P3H1: variants seen among roughly 807,000 people sequenced by gnomAD.
The protein encoded by P3H1 is prolyl 3-hydroxylase 1.
A neutral mutation model predicts 84.0 loss-of-function variants in P3H1; 69 were observed. The ratio of observed to expected loss-of-function variants is 0.82; its 90% CI spans 0.68 to 1.00. The LOEUF (loss-of-function observed/expected upper bound fraction) is 1.00, where lower values mean the gene tolerates loss of function less well. Among genes scored for constraint, P3H1 ranks in the 50% least tolerant of loss-of-function variants. The pLI is 0.00. For synonymous variants in P3H1, 366 were observed against 388.8 expected, an observed-to-expected ratio of 0.94 and a Z score of 0.69; for missense variants, 878 against 962.8, an observed-to-expected ratio of 0.91 and a Z score of 1.17.
intron 1 of P3H1, among the ~76,000 whole-genome samples, chr1:42,764,288 G>C (rs1224040041): frequency 6.6e-6 from 1 of 151,972 alleles, no homozygotes. Flanking sequence ...CGGATGTGAT[G>C]GCACGTGCCT....
Position 42,766,732 on chromosome 1 carries a change from G to A in P3H1, c.240C>T (p.Ala80=), listed in dbSNP as rs2124175348. The A allele has an allele frequency of 1.3e-6, 2 of 1,570,598 alleles. No individual in the cohort carries two copies. The highest frequency in any genetic ancestry group is 1.2e-5 in the South Asian group (1 of 86,896). The stretch of plus-strand genomic sequence containing the variant: ...GGTCCAGCTCCCACGGGAAGTCGGC[G>A]GCACACTGGGTGCGGCAGCGCAGGC... ...ALRLRCRTQC[A]ADFPWELDPD... The change falls in exon 1 of 15, where the codon GCC becomes GCT. Residue 80 remains alanine (A), a synonymous_variant. Coordinates refer to ENST00000296388, the MANE Select transcript of P3H1 (RefSeq NM_022356.4).
At chr1:42,752,441 G>A in intron 9 of P3H1, 72 bp from the exon 10 acceptor site, 28 of 1,609,108 alleles carry the variant, frequency 1.7e-5, no homozygotes, top group Non-Finnish European at 2.3e-5. Flanking sequence ...GTCAACTGTG[G>A]CCAGGAAGAG....
In P3H1 at chr1:42,746,756, G is replaced by A. The variant is rs533729683; in HGVS notation, c.2152C>T (p.Pro718Ser). ...GAGAGAGACTCTTGTGCAGGTTCGG[G>A]GGGGCCCTGCTGGGCATCCAGGGGC... Reference protein sequence around the residue: ...EQPLDAQQGPPEPAQESLSGS... With the variant: ...EQPLDAQQGPSEPAQESLSGS... The change falls in exon 15 of 15, where the codon CCC (proline) becomes TCC (serine). Residue 718 changes from proline to serine, a missense_variant. Coordinates refer to ENST00000296388, the MANE Select transcript of P3H1 (RefSeq NM_022356.4). 1.6e-5 allele frequency: 25 copies of A among 1,555,402 alleles called. No homozygotes were observed. Among genetic ancestry groups the A allele is most frequent in the Non-Finnish European group, 2.0e-5 (23 of 1,149,134 alleles).
chr1:42,759,845 G>C (rs1051644371), intron 2 of P3H1: 1 of 214,236 alleles, frequency 4.7e-6, no homozygotes, highest in Non-Finnish European at 9.6e-6. Context: ...GCCTCCTAAA[G>C]TGCTGGGATT....
At chr1:42,762,094 T>C (rs1224233945) in intron 2 of P3H1, 3 of 513,544 alleles carry the variant, frequency 5.8e-6, no homozygotes, top group Admixed American at 6.5e-5. Flanking sequence ...TGTAATGTAA[T>C]TAGAAAACAA....
intron 8 of P3H1, 102 bp from the exon 9 acceptor site, chr1:42,752,766 T>G: frequency 3.8e-5 from 53 of 1,397,938 alleles, no homozygotes; most frequent in Non-Finnish European, 4.6e-5. Flanking sequence ...TTCCAGCTGT[T>G]TCCTTTTCAC....
intron 1 of P3H1, among the ~76,000 whole-genome samples, chr1:42,763,168 G>C (rs1652808025): frequency 6.6e-6 from 1 of 151,960 alleles, no homozygotes; most frequent in South Asian, 2.1e-4. Flanking sequence ...AAGGATTTAG[G>C]GGTAGAGAAA....
At chr1:42,748,353 C>G (rs756218702) in intron 11 of P3H1, 36 bp from the exon 12 acceptor site, 1 of 1,471,732 alleles carries the variant, frequency 6.8e-7, no homozygotes, top group Non-Finnish European at 9.5e-7. Flanking sequence ...CAAGGGAGCA[C>G]CTCGGGAGAC....
intron 14 of P3H1, 197 bp from the exon 15 acceptor site, chr1:42,747,049 C>T: frequency 1.2e-6 from 2 of 1,614,202 alleles, no homozygotes; most frequent in South Asian, 1.1e-5. Flanking sequence ...GCATCGCTCC[C>T]TGTCTTGACC....
rs763642310 is a variant in P3H1 at position 42,766,545 on chromosome 1, G to A, written c.427C>T (p.Arg143Trp). The change falls in exon 1 of 15, where the codon CGG becomes TGG. Residue 143 changes from arginine (R) to tryptophan (W), a missense_variant. Transcript: ENST00000296388. ...SEEMELEFRK[R>W]SPYNYLQVAY... ...ACCTGCAGGTAGTTGTAGGGGCTCC[G>A]CTTGCGGAACTCCAGCTCCATCTCT... 2.5e-6 allele frequency: 4 copies of A among 1,612,122 alleles called. No individual in the cohort carries two copies. Among genetic ancestry groups the A allele is most frequent in the Admixed American group, 3.3e-5 (2 of 59,938 alleles).
chr1:42,766,932 C>G lies in P3H1; in HGVS notation c.40G>C (p.Ala14Pro), dbSNP rs1377204672. The G allele has an allele frequency of 1.2e-6, 2 of 1,609,518 alleles. No homozygotes were observed. The highest frequency in any genetic ancestry group is 2.2e-5 in the East Asian group (1 of 44,868). The change falls in exon 1 of 15, where the codon GCT (alanine) becomes CCT (proline). Residue 14 changes from alanine (A) to proline (P), a missense_variant. Physicochemically the swap from Ala to Pro is conservative, Grantham distance 27 (BLOSUM62 -1). Coordinates refer to ENST00000296388, the MANE Select transcript of P3H1 (RefSeq NM_022356.4). The part of the protein sequence containing the change: ...RALKLLTTLL[A>P]VVAAASQAEV... Reference sequence around the variant, plus strand: ...GCTTGGGAGGCAGCGGCCACGACAGCCAGCAGTGTGGTCAGCAGCTTCAAC... The same window carrying G: ...GCTTGGGAGGCAGCGGCCACGACAGGCAGCAGTGTGGTCAGCAGCTTCAAC...
chr1:42,766,734 CA>C lies in P3H1; in HGVS notation c.237del (p.Cys79TrpfsTer29). The C allele has an allele frequency of 6.4e-7, 1 of 1,572,760 alleles. No individual in the cohort carries two copies. Among genetic ancestry groups the C allele is most frequent in the Non-Finnish European group, 8.6e-7 (1 of 1,159,960 alleles). On this transcript the variant is annotated frameshift_variant, in exon 1 of 15. Transcript: ENST00000296388. LOFTEE classifies it high-confidence loss of function. ...RALRLRCRTQ[C>X]AADFPWELDP... ...TCCAGCTCCCACGGGAAGTCGGCGG[CA>C]CACTGGGTGCGGCAGCGCAGGCGAA...
chr1:42,766,968 C>T lies in P3H1; in HGVS notation c.4G>A (p.Ala2Thr). M[A>T]VRALKLLTTL... ...GTCAGCAGCTTCAACGCGCGTACCGCCATCGCTCCCTCAGACCTAACGGAA... is the reference window on the plus strand; with the variant it reads ...GTCAGCAGCTTCAACGCGCGTACCGTCATCGCTCCCTCAGACCTAACGGAA... Residue 2 changes from alanine to threonine, a missense_variant, in exon 1 of 15, where the codon GCG becomes ACG. Ala to Thr is a moderately conservative substitution (Grantham distance 58). Transcript: ENST00000296388. The T allele has an allele frequency of 6.2e-7, 1 of 1,608,004 alleles. No homozygotes were observed. Among genetic ancestry groups the T allele is most frequent in the Non-Finnish European group, 8.5e-7 (1 of 1,179,782 alleles).
intron 6 of P3H1, 64 bp downstream of exon 6, chr1:42,755,484 T>C: frequency 7.4e-7 from 1 of 1,345,490 alleles, no homozygotes; most frequent in Non-Finnish European, 1.1e-6. Flanking sequence ...GTTCCCCTCC[T>C]CCCCATTCAT....
intron 2 of P3H1, chr1:42,761,127 G>C (rs771128928): frequency 6.6e-6 from 1 of 151,826 alleles, no homozygotes; most frequent in Non-Finnish European, 1.5e-5. Flanking sequence ...ATGCCACCAT[G>C]CCTGGCTAAT....
chr1:42,750,910 T>C (rs1652030501), intron 10 of P3H1, among the ~76,000 whole-genome samples: 1 of 143,244 alleles, frequency 7.0e-6, no homozygotes, highest in Non-Finnish European at 1.5e-5. Context: ...GAGGAGCCCC[T>C]CTGCCTGGCC....
intron 11 of P3H1, 161 bp from the exon 12 acceptor site, chr1:42,748,478 C>G: frequency 4.3e-6 from 3 of 698,922 alleles, no homozygotes; most frequent in Non-Finnish European, 7.8e-6. Context: ...GGGGTCAGGA[C>G]AAGTCTGCAG....
Position 42,754,853 on chromosome 1 carries a change from A to T in P3H1, c.1345+16T>A. The T allele has an allele frequency of 6.2e-7, 1 of 1,613,974 alleles. No homozygotes were observed. Among genetic ancestry groups the T allele is most frequent in the Non-Finnish European group, 8.5e-7 (1 of 1,179,948 alleles). ...CCTGACAACAGCCAGACATGCCCCT[A>T]TTTCTGTCCTCTCACCTTCCCGGGT... On this transcript the variant is annotated intron_variant, in intron 8 of 14. Transcript: ENST00000296388. This position sits in a 1 kb window ranked among gnomAD's most constrained non-coding sequence, Gnocchi z 4.0.
chr1:42,746,989 T>C, intron 14 of P3H1, 137 bp from the exon 15 acceptor site: 1 of 1,614,086 alleles, frequency 6.2e-7, no homozygotes, highest in Non-Finnish European at 8.5e-7. Context: ...GGTCCTACTC[T>C]CTGGAAAAGG....
Sources: gnomAD v4.1 joint callset for allele counts (sites outside exome capture counted in the v4.1 genomes callset) on GRCh38, gnomAD v4.1.1 for gene constraint, Gnocchi (gnomAD v3.1) non-coding constraint, MANE v1.5 for transcripts, NCBI Gene and HGNC (gene_info 2026-07-23, HGNC 2026-07-21) for gene names.